The following DLGAP2 variants were observed in gnomAD, a reference collection of about 807,000 sequenced individuals.
DLGAP2 encodes the protein DLG associated protein 2.
Under a neutral mutation model 100.3 loss-of-function variants are expected in DLGAP2, and 26 were observed. The observed-to-expected ratio is 0.26, with a 90% CI of 0.19 to 0.36. The LOEUF is 0.36. Among genes scored for constraint, DLGAP2 ranks in the 10% least tolerant of loss-of-function variants. The pLI, the probability that DLGAP2 is intolerant of heterozygous loss-of-function variation, is 1.00. For missense variants in DLGAP2, 1,858 were observed against 1,453.2 expected (o/e 1.28, Z -4.53); for synonymous variants, 886 against 630.1 (o/e 1.41, Z -6.08).
intron 3 of DLGAP2, among the ~76,000 whole-genome samples, chr8:1,499,258 C>T (rs1257183556): frequency 1.3e-5 from 2 of 152,234 alleles, no homozygotes; most frequent in Non-Finnish European, 2.9e-5. Flanking sequence ...TAGCGGAGTG[C>T]TCATGCTTGT....
At chr8:738,485 G>C (rs921641343) in intron 1 of DLGAP2, 1 of 152,248 alleles carries the variant, frequency 6.6e-6, no homozygotes, top group Non-Finnish European at 1.5e-5. Context: ...TCTTTTTTAG[G>C]GGTGGTTGCT....
chr8:951,156 T>A (rs553570956), intron 2 of DLGAP2, among the ~76,000 whole-genome samples: 23 of 152,372 alleles, frequency 1.5e-4, no homozygotes, highest in African/African-American at 5.3e-4. Context: ...TTTATCATAT[T>A]CCATTGTGTG....
intron 1 of DLGAP2, among the ~76,000 whole-genome samples, chr8:829,686 A>T (rs76151667): frequency 0.045 from 6,820 of 152,324 alleles, 311 homozygotes; most frequent in Admixed American, 0.13. Flanking sequence ...AATGAAGAAA[A>T]GTTGAAAGGT....
rs372977425 is a variant in DLGAP2, at chr8:1,678,463, C to G, written c.2538C>G (p.Asp846Glu). 1 of 1,613,412 alleles carries G rather than the reference C, an allele frequency of 6.2e-7. No homozygotes were observed. The highest frequency in any genetic ancestry group is 8.5e-7 in the Non-Finnish European group (1 of 1,179,716). ...ACACCTCCACCCTGCCCCCTCCAGA[C>G]CCCTGGCTGGAGCCCGCCATCGACA... is the stretch of plus-strand genomic sequence containing the variant. ...QVDTSTLPPPDPWLEPAIDTV... is the reference protein window; with the variant it reads ...QVDTSTLPPPEPWLEPAIDTV... The change falls in exon 12 of 15, where the codon GAC becomes GAG. Residue 846 changes from aspartate (D) to glutamate (E), a missense_variant. Coordinates refer to ENST00000637795, the MANE Select transcript of DLGAP2 (RefSeq NM_001346810.2).
At chr8:1,613,790 C>G (rs542348836) in intron 6 of DLGAP2, among the ~76,000 whole-genome samples, 1 of 152,224 alleles carries the variant, frequency 6.6e-6, no homozygotes, top group African/African-American at 2.4e-5. Flanking sequence ...GAATTCATGT[C>G]CACCCTGCAT....
At chr8:1,417,019 C>G (rs1390174554) in intron 3 of DLGAP2, among the ~76,000 whole-genome samples, 1 of 101,830 alleles carries the variant, frequency 9.8e-6, no homozygotes, top group Non-Finnish European at 2.0e-5. Flanking sequence ...CGTCACTCCT[C>G]CGAGCAGCCG....
chr8:1,107,230 A>G (rs377559531), intron 2 of DLGAP2, among the ~76,000 whole-genome samples: 80 of 152,268 alleles, frequency 5.3e-4, no homozygotes, highest in African/African-American at 1.7e-3. Flanking sequence ...TGGTTTTCTC[A>G]TCTGTAAAAT....
chr8:1,567,614 T>C (rs1174266873), intron 6 of DLGAP2, among the ~76,000 whole-genome samples: 7 of 152,164 alleles, frequency 4.6e-5, no homozygotes. Context: ...ATCACCTCAT[T>C]CTTCAGTGGC....
chr8:1,206,289 C>G (rs1246074827), intron 2 of DLGAP2, among the ~76,000 whole-genome samples: 2 of 151,720 alleles, frequency 1.3e-5, no homozygotes, highest in Non-Finnish European at 2.9e-5. Context: ...CTGGGGTAGA[C>G]TGTGAGCGGT....
chr8:1,068,732 C>T (rs1277358574), intron 2 of DLGAP2, among the ~76,000 whole-genome samples: 1 of 152,092 alleles, frequency 6.6e-6, no homozygotes, highest in Middle Eastern at 3.2e-3. Context: ...AGGGGCTCAG[C>T]GCATGTGGGT....
chr8:874,372 T>A (rs1459430650), intron 1 of DLGAP2, among the ~76,000 whole-genome samples: 2 of 152,160 alleles, frequency 1.3e-5, no homozygotes, highest in Non-Finnish European at 2.9e-5. Flanking sequence ...CTGCTTTGGC[T>A]GCATCTCATA....
At chr8:1,573,960 G>A (rs7836625) in intron 6 of DLGAP2, among the ~76,000 whole-genome samples, 3,142 of 152,252 alleles carry the variant, frequency 0.021, 93 homozygotes, top group African/African-American at 0.064. Flanking sequence ...GTAAAGTGAG[G>A]TGCTCTCTAA....
intron 2 of DLGAP2, among the ~76,000 whole-genome samples, chr8:1,104,467 G>A (rs534716819): frequency 2.1e-4 from 32 of 152,330 alleles, no homozygotes; most frequent in African/African-American, 7.2e-4. Flanking sequence ...GTGGGCCAGA[G>A]CAGATGCCTT....
At chr8:1,320,661 C>T (rs1800875656) in intron 3 of DLGAP2, among the ~76,000 whole-genome samples, 1 of 152,158 alleles carries the variant, frequency 6.6e-6, no homozygotes, top group Non-Finnish European at 1.5e-5. Context: ...CCAAGCACGA[C>T]ATTCTCACCT....
chr8:1,113,734 T>C (rs1805031856), intron 2 of DLGAP2, among the ~76,000 whole-genome samples: 1 of 152,134 alleles, frequency 6.6e-6, no homozygotes, highest in South Asian at 2.1e-4. Flanking sequence ...CAATACTATG[T>C]TGAATGGGAC....
At chr8:962,239 C>T (rs999342383) in intron 2 of DLGAP2, among the ~76,000 whole-genome samples, 15 of 152,184 alleles carry the variant, frequency 9.9e-5, no homozygotes, top group African/African-American at 3.6e-4. Flanking sequence ...GGTCTCCCAT[C>T]TCAAGTAGTA....
intron 2 of DLGAP2, among the ~76,000 whole-genome samples, chr8:1,076,108 C>G (rs1229979930): frequency 6.6e-6 from 1 of 152,102 alleles, no homozygotes; most frequent in Non-Finnish European, 1.5e-5. Context: ...TCTAGAAAAT[C>G]CACAAGTGAT....
intron 3 of DLGAP2, among the ~76,000 whole-genome samples, chr8:1,440,706 T>C (rs1797805190): frequency 6.6e-6 from 1 of 152,194 alleles, no homozygotes; most frequent in Non-Finnish European, 1.5e-5. Context: ...TGAAGGGCCC[T>C]TGGTGTCTCT....
At chr8:1,145,771 A>C (rs1399099032) in intron 2 of DLGAP2, among the ~76,000 whole-genome samples, 50 of 86,708 alleles carry the variant, frequency 5.8e-4, no homozygotes, top group Non-Finnish European at 5.0e-4. Flanking sequence ...CCCTCCCCCC[A>C]CCCCACAATA....
Sources: allele counts gnomAD v4.1 joint callset (sites outside exome capture counted in the v4.1 genomes callset), GRCh38; gene constraint gnomAD v4.1.1; transcripts MANE v1.5; gene names NCBI Gene and HGNC (gene_info 2026-07-23, HGNC 2026-07-21).